The following CHST3 variants were observed in gnomAD, a reference collection of about 807,000 sequenced individuals.
The protein encoded by CHST3 is carbohydrate sulfotransferase 3, also known as C6ST-1.
CHST3 carries 20 observed loss-of-function variants against 35.4 expected under a neutral mutation model. That is an observed-to-expected ratio of 0.57 (90% CI 0.40 to 0.82). The LOEUF (loss-of-function observed/expected upper bound fraction) is 0.82. CHST3 is among the 40% of genes least tolerant of loss of function. The pLI, the probability that CHST3 is intolerant of heterozygous loss-of-function variation, is 0.00. For synonymous variants in CHST3, 334 were observed against 295.9 expected (o/e 1.13, Z -1.32); for missense variants, 693 against 670.1 (o/e 1.03, Z -0.38).
intron 1 of CHST3, among the ~76,000 whole-genome samples, chr10:71,996,227 A>G (rs1054226588): frequency 6.6e-6 from 1 of 152,186 alleles, no homozygotes; most frequent in Admixed American, 6.5e-5. Context: ...GTTGCTGTAA[A>G]TGTCCCTATT....
At chr10:72,002,255 G>A (rs1449712303) in intron 1 of CHST3, among the ~76,000 whole-genome samples, 1 of 152,220 alleles carries the variant, frequency 6.6e-6, no homozygotes, top group Non-Finnish European at 1.5e-5. Context: ...TAGGAAAGCT[G>A]TGTTGCTCTG....
chr10:71,983,207 C>G (rs1839817339), intron 1 of CHST3, among the ~76,000 whole-genome samples: 1 of 152,238 alleles, frequency 6.6e-6, no homozygotes, highest in Admixed American at 6.5e-5. Flanking sequence ...TGCCATATTT[C>G]TTGATGATGC....
At chr10:71,982,273 C>T (rs990532057) in intron 1 of CHST3, among the ~76,000 whole-genome samples, 1 of 152,182 alleles carries the variant, frequency 6.6e-6, no homozygotes, top group Non-Finnish European at 1.5e-5. Context: ...GTGAAAAAAA[C>T]TATCAGCCAT....
intron 1 of CHST3, among the ~76,000 whole-genome samples, chr10:71,988,697 T>C (rs1839871623): frequency 6.6e-6 from 1 of 152,186 alleles, no homozygotes; most frequent in Admixed American, 6.5e-5. Flanking sequence ...CAGGTATTTC[T>C]TTATAGCAGT....
intron 1 of CHST3, among the ~76,000 whole-genome samples, chr10:71,972,843 C>G (rs577281917): frequency 1.3e-5 from 2 of 152,342 alleles, no homozygotes; most frequent in East Asian, 3.9e-4. Flanking sequence ...GCCACCTTCT[C>G]CTGGAAGCCT....
chr10:72,006,793 C>T (rs529522628), intron 2 of CHST3, among the ~76,000 whole-genome samples: 2 of 152,208 alleles, frequency 1.3e-5, no homozygotes, highest in Non-Finnish European at 2.9e-5. Flanking sequence ...TAGCTTGTGC[C>T]TATTGGGTTC....
chr10:71,976,397 G>A (rs770535509), intron 1 of CHST3, among the ~76,000 whole-genome samples: 4 of 152,120 alleles, frequency 2.6e-5, no homozygotes, highest in Non-Finnish European at 5.9e-5. Context: ...GCCTTTTAAC[G>A]CGTGTATCAG....
At position 72,007,810 on chromosome 10, in the gene CHST3, C is replaced by T. The variant is rs1393050758; in HGVS notation, c.779C>T (p.Ala260Val). ...RRCGPLNVTL[A>V]AEACRRKEHM... The stretch of plus-strand genomic sequence containing the variant: ...TGCGGCCCCCTCAACGTGACGCTGG[C>T]CGCAGAGGCCTGCCGCCGCAAGGAG... The change falls in exon 3 of 3, where the codon GCC becomes GTC. Residue 260 changes from alanine to valine, a missense_variant. Physicochemically the swap from Ala to Val is moderately conservative, Grantham distance 64. Coordinates refer to ENST00000373115, the MANE Select transcript of CHST3 (RefSeq NM_004273.5). The T allele has an allele frequency of 1.2e-6, 2 of 1,600,988 alleles. No individual in the cohort carries two copies. The highest frequency in any genetic ancestry group is 1.7e-6 in the Non-Finnish European group (2 of 1,179,098).
chr10:71,982,690 A>G (rs1839812421), intron 1 of CHST3, among the ~76,000 whole-genome samples: 1 of 152,178 alleles, frequency 6.6e-6, no homozygotes, highest in Non-Finnish European at 1.5e-5. Context: ...TTGAGGCTGC[A>G]GTGGGCCATG....
chr10:71,996,886 T>C (rs1259258991), intron 1 of CHST3, among the ~76,000 whole-genome samples: 1 of 152,114 alleles, frequency 6.6e-6, no homozygotes, highest in Non-Finnish European at 1.5e-5. Flanking sequence ...CTGGGGGTAT[T>C]TTCCTGGGTT....
At chr10:71,971,874 A>T (rs1191032955) in intron 1 of CHST3, among the ~76,000 whole-genome samples, 1 of 152,184 alleles carries the variant, frequency 6.6e-6, no homozygotes, top group African/African-American at 2.4e-5. Context: ...AGAACCTGCC[A>T]GTCACGAAGC....
rs766713444 is a variant in CHST3, at chr10:72,013,376, C to T, written c.*4905C>T. 13 of 152,192 alleles carry T rather than the reference C, an allele frequency of 8.5e-5. No homozygotes were observed. Among genetic ancestry groups the T allele is most frequent in the Non-Finnish European group, 1.6e-4 (11 of 68,034 alleles). The allele number at this position is 152,192 out of a possible 1,614,324, so 9.4% of individuals were successfully genotyped here. A position where few individuals can be genotyped will look rare whatever the true frequency, so the allele number is the denominator to read the frequency against. ...CTCCCAGCCCCATTGCTGTCACTGT[C>T]GTCCCAGATGTCCTTGCCATGGCCA... is the stretch of plus-strand genomic sequence containing the variant. On this transcript the variant is annotated 3_prime_UTR_variant, in exon 3 of 3. Transcript: ENST00000373115.
At chr10:71,973,902 T>A (rs1278484833) in intron 1 of CHST3, among the ~76,000 whole-genome samples, 1 of 152,158 alleles carries the variant, frequency 6.6e-6, no homozygotes, top group African/African-American at 2.4e-5. Flanking sequence ...ATGTATAGGA[T>A]ACACGAGGAG....
chr10:71,989,475 A>T (rs1201073698), intron 1 of CHST3, among the ~76,000 whole-genome samples: 2 of 152,098 alleles, frequency 1.3e-5, no homozygotes, highest in Non-Finnish European at 2.9e-5. Flanking sequence ...TGGAAACCTG[A>T]TACAGTCACC....
At chr10:71,993,937 TAAAAATAC>T (rs1408377761) in intron 1 of CHST3, among the ~76,000 whole-genome samples, 1 of 152,054 alleles carries the variant, frequency 6.6e-6, no homozygotes, top group Admixed American at 6.6e-5. Context: ...CTGTCTCTGC[TAAAAATAC>T]AAAAATTAGC....
intron 1 of CHST3, among the ~76,000 whole-genome samples, chr10:71,989,790 T>C (rs998653887): frequency 2.0e-5 from 3 of 152,230 alleles, no homozygotes; most frequent in Admixed American, 1.3e-4. Context: ...TCCAAAGATA[T>C]CCAGCATTTG....
chr10:71,978,694 A>G (rs1408402438), intron 1 of CHST3, among the ~76,000 whole-genome samples: 1 of 152,190 alleles, frequency 6.6e-6, no homozygotes, highest in African/African-American at 2.4e-5. Flanking sequence ...AAGGCACAGG[A>G]GCCTGCCTGG....
chr10:71,971,593 C>T (rs1034697983), intron 1 of CHST3, among the ~76,000 whole-genome samples: 6 of 152,202 alleles, frequency 3.9e-5, no homozygotes, highest in Admixed American at 6.5e-5. Context: ...CCAGCTGCCT[C>T]GCCATCTGCA....
intron 1 of CHST3, among the ~76,000 whole-genome samples, chr10:72,005,283 T>TTGTGTGTGTG (rs761296471): frequency 1.9e-3 from 289 of 149,414 alleles, no homozygotes; most frequent in African/African-American, 2.8e-3. Flanking sequence ...GTCTGCACCT[T>TTGTGTGTGTG]TGTGTGTGTG....
Sources: allele counts gnomAD v4.1 joint callset (sites outside exome capture counted in the v4.1 genomes callset), GRCh38; gene constraint gnomAD v4.1.1; transcripts MANE v1.5; gene names NCBI Gene and HGNC (gene_info 2026-07-23, HGNC 2026-07-21).